The following SLC60A1 variants were observed in gnomAD, a reference collection of about 807,000 sequenced individuals.
The protein encoded by SLC60A1 is major facilitator superfamily domain containing 4.
chr1:205,584,165 G>A, the SLC60A1 span: 3 of 1,584,298 alleles, frequency 1.9e-6, no homozygotes, highest in East Asian at 6.7e-5. Context: ...GCCTCATGTT[G>A]AGGCTTCCTT....
At chr1:205,597,551 G>A in the SLC60A1 span, 1 of 406,950 alleles carries the variant, frequency 2.5e-6, no homozygotes, top group South Asian at 2.3e-5. Context: ...ACCATGCCCA[G>A]TTAATTTTTT....
At chr1:205,585,675 C>T in the SLC60A1 span, among the ~76,000 whole-genome samples, 1 of 135,714 alleles carries the variant, frequency 7.4e-6, no homozygotes, top group Admixed American at 8.1e-5. This position sits in a 1 kb window ranked among gnomAD's most constrained non-coding sequence, Gnocchi z 4.2. Context: ...AAACCAGATG[C>T]TTGCACACAC....
chr1:205,582,367 C>T, the SLC60A1 span, among the ~76,000 whole-genome samples: 25,798 of 152,272 alleles, frequency 0.17, 2,269 homozygotes, highest in Admixed American at 0.22. Context: ...CAGTCCAGCA[C>T]GGAGGAAGAT....
the SLC60A1 span, chr1:205,598,343 GA>G: frequency 0.18 from 24,715 of 139,148 alleles, 2,257 homozygotes; most frequent in East Asian, 0.4. Context: ...TATTCACCAG[GA>G]AAAAAAAAAA....
the SLC60A1 span, among the ~76,000 whole-genome samples, chr1:205,591,562 C>A: frequency 6.6e-6 from 1 of 151,470 alleles, no homozygotes; most frequent in Non-Finnish European, 1.5e-5. Context: ...CCATGGGAAT[C>A]TGAGCCAAAT....
chr1:205,583,940 C>T, the SLC60A1 span: 2 of 1,610,406 alleles, frequency 1.2e-6, no homozygotes, highest in Non-Finnish European at 1.7e-6. Context: ...TCCTGACCCT[C>T]TGCCTGCTCC....
At chr1:205,569,215 C>G in the SLC60A1 span, 1 of 1,560,042 alleles carries the variant, frequency 6.4e-7, no homozygotes, top group Admixed American at 1.9e-5. Flanking sequence ...ACGCACAGCT[C>G]GCTGCCCCAG....
chr1:205,571,390 A>G, the SLC60A1 span, among the ~76,000 whole-genome samples: 1 of 152,222 alleles, frequency 6.6e-6, no homozygotes, highest in African/African-American at 2.4e-5. Context: ...GTTTGGGATG[A>G]GTAGCCCTAA....
the SLC60A1 span, among the ~76,000 whole-genome samples, chr1:205,582,921 C>T: frequency 2.0e-5 from 3 of 152,184 alleles, no homozygotes; most frequent in African/African-American, 7.2e-5. Flanking sequence ...CCCAGAACAC[C>T]ACCAGGCAGG....
chr1:205,572,605 G>C, the SLC60A1 span, among the ~76,000 whole-genome samples: 144 of 152,040 alleles, frequency 9.5e-4, 2 homozygotes, highest in African/African-American at 3.3e-3. Context: ...AGATATGCTG[G>C]CCCCCTCCAG....
chr1:205,573,450 A>G, the SLC60A1 span, among the ~76,000 whole-genome samples: 2 of 152,090 alleles, frequency 1.3e-5, no homozygotes, highest in African/African-American at 2.4e-5. Context: ...TGGTATATCC[A>G]TGCAACGGAA....
At chr1:205,569,616 C>T in the SLC60A1 span, among the ~76,000 whole-genome samples, 1 of 151,958 alleles carries the variant, frequency 6.6e-6, no homozygotes, top group African/African-American at 2.4e-5. Context: ...CCCCACCCAC[C>T]GCCCCGTGGG....
At chr1:205,592,288 G>T in the SLC60A1 span, 1 of 1,611,460 alleles carries the variant, frequency 6.2e-7, no homozygotes, top group East Asian at 2.2e-5. Context: ...CAGTACAAAG[G>T]TGAGGGCCGG....
chr1:205,599,300 G>T, the SLC60A1 span: 1 of 1,607,934 alleles, frequency 6.2e-7, no homozygotes, highest in African/African-American at 1.3e-5. Flanking sequence ...CAGAGCCGGG[G>T]TCGGGGAGCG....
chr1:205,601,895 T>C, the SLC60A1 span: 1 of 152,346 alleles, frequency 6.6e-6, no homozygotes, highest in Non-Finnish European at 1.5e-5. Context: ...AAATTTTACA[T>C]CTTTTATAGA....
chr1:205,591,316 G>A, the SLC60A1 span, among the ~76,000 whole-genome samples: 84 of 151,648 alleles, frequency 5.5e-4, no homozygotes, highest in Admixed American at 7.9e-4. Flanking sequence ...ACCCTTTCTC[G>A]ACTAAAAATA....
the SLC60A1 span, chr1:205,580,813 C>A: frequency 6.2e-7 from 1 of 1,614,192 alleles, no homozygotes; most frequent in Non-Finnish European, 8.5e-7. The surrounding 1 kb of genome is among the most constrained non-coding windows in gnomAD (Gnocchi z 5.0). Context: ...TGGGCCAGCA[C>A]CACGTAGATG....
chr1:205,583,866 G>A, the SLC60A1 span: 19 of 1,468,150 alleles, frequency 1.3e-5, no homozygotes, highest in Non-Finnish European at 1.7e-5. Flanking sequence ...CTTCTCCCAG[G>A]ACTATGCACA....
At chr1:205,574,341 A>C in the SLC60A1 span, among the ~76,000 whole-genome samples, 1 of 151,984 alleles carries the variant, frequency 6.6e-6, no homozygotes, top group Non-Finnish European at 1.5e-5. Flanking sequence ...GCTACTCAGG[A>C]GGCAGAAGTG....
Sources: allele counts gnomAD v4.1 joint callset (sites outside exome capture counted in the v4.1 genomes callset), GRCh38; gene constraint gnomAD v4.1.1; non-coding constraint Gnocchi (gnomAD v3.1); transcripts MANE v1.5; gene names NCBI Gene and HGNC (gene_info 2026-07-23, HGNC 2026-07-21).